Variants in PANK4 observed in about 807,000 individuals in gnomAD.
PANK4 encodes pantothenate kinase 4 (inactive).
PANK4 carries 40 observed loss-of-function variants against 87.9 expected under a neutral mutation model. That is an observed-to-expected ratio of 0.46 (90% CI 0.35 to 0.59). The LOEUF is 0.59. PANK4 is among the 20% of genes least tolerant of loss of function. The pLI is 0.00. For synonymous variants in PANK4, 524 were observed against 467.4 expected (o/e 1.12, Z -1.56); for missense variants, 926 against 1,072.3 (o/e 0.86, Z 1.90).
intron 2 of PANK4, 34 bp from the exon 3 acceptor site, chr1:2,521,349 T>C (rs751848950): frequency 2.6e-6 from 4 of 1,531,312 alleles, no homozygotes; most frequent in African/African-American, 2.7e-5. Context: ...CGCATGTGTG[T>C]GGGACACCGC....
chr1:2,519,390 G>A lies in PANK4; in HGVS notation c.854-66C>T, dbSNP rs1277988460. The A allele has an allele frequency of 1.1e-6, 1 of 919,322 alleles. No individual in the cohort carries two copies. The highest frequency in any genetic ancestry group is 1.8e-5 in the South Asian group (1 of 57,040). 56.9% of individuals were successfully genotyped at this position (919,322 alleles called of 1,614,324 possible). A position where few individuals can be genotyped will look rare whatever the true frequency, so the allele number is the denominator to read the frequency against. Reference sequence around the variant, plus strand: ...CAAGTGCACGACATGAGAGCGAGCAGGAGGGGAGGGGGAGAGAGAGCTGAG... The same window carrying A: ...CAAGTGCACGACATGAGAGCGAGCAAGAGGGGAGGGGGAGAGAGAGCTGAG... On this transcript the variant is annotated intron_variant, in intron 6 of 18. Coordinates refer to ENST00000378466, the MANE Select transcript of PANK4 (RefSeq NM_018216.4). The surrounding 1 kb of genome is among the most constrained non-coding windows in gnomAD (Gnocchi z 8.3).
chr1:2,511,483 T>C (rs1643660713), intron 14 of PANK4, 96 bp from the exon 15 acceptor site: 2 of 1,149,608 alleles, frequency 1.7e-6, no homozygotes, highest in Non-Finnish European at 2.6e-6. Context: ...GGAAGCAAGT[T>C]CTCCCCGCCC....
chr1:2,511,522 A>C (rs1415302223), intron 14 of PANK4, 106 bp downstream of exon 14: 1 of 1,071,352 alleles, frequency 9.3e-7, no homozygotes, highest in African/African-American at 1.6e-5. Flanking sequence ...AGCCTTGAGC[A>C]GGGGAGGTGC....
At position 2,508,755 on chromosome 1, in the gene PANK4, A is replaced by G. The variant is rs1643610080; in HGVS notation, c.*92T>C. On this transcript the variant is annotated 3_prime_UTR_variant, in exon 19 of 19. Coordinates refer to ENST00000378466, the MANE Select transcript of PANK4 (RefSeq NM_018216.4). The surrounding 1 kb of genome is among the most constrained non-coding windows in gnomAD (Gnocchi z 5.1). ...ATGTGCCGCGTCACAGCAGTACCAT[A>G]TAAATACGTTGATTTGAACGCAGTT... 1.3e-6 allele frequency: 1 copy of G among 786,846 alleles called. No individual in the cohort carries two copies. Among genetic ancestry groups the G allele is most frequent in the Admixed American group, 2.1e-5 (1 of 47,508 alleles). The allele number at this position is 786,846 out of a possible 1,614,324, so 48.7% of individuals were successfully genotyped here. A position where few individuals can be genotyped will look rare whatever the true frequency, so the allele number is the denominator to read the frequency against.
At position 2,514,485 on chromosome 1, in the gene PANK4, G is replaced by A. The variant is rs749873799; in HGVS notation, c.1375-19C>T. The A allele has an allele frequency of 2.5e-6, 4 of 1,584,246 alleles. No individual in the cohort carries two copies. The highest frequency in any genetic ancestry group is 1.5e-5 in the African/African-American group (1 of 68,850). On this transcript the variant is annotated intron_variant, in intron 10 of 18. Coordinates refer to ENST00000378466, the MANE Select transcript of PANK4 (RefSeq NM_018216.4). ...TCACTACCTGCCAGCGACAGAAGGA[G>A]GGGGTTAGTCAAGCGCTGGCCCTGC...
At chr1:2,514,197 G>A (rs761438141) in intron 11 of PANK4, 108 bp from the exon 12 acceptor site, 10 of 1,155,598 alleles carry the variant, frequency 8.7e-6, no homozygotes, top group South Asian at 1.2e-5. Context: ...CAGTGCAAAC[G>A]CTGCTTGAGG....
At chr1:2,526,319 G>A (rs1358424094) in intron 1 of PANK4, 145 bp downstream of exon 1, 1 of 291,140 alleles carries the variant, frequency 3.4e-6, no homozygotes, top group Non-Finnish European at 5.1e-6. Context: ...GGCTGTGCGC[G>A]GGCCCGCGGA....
intron 9 of PANK4, chr1:2,516,065 C>T (rs1481879974): frequency 2.8e-6 from 1 of 362,732 alleles, no homozygotes. Flanking sequence ...CCCCCATCAC[C>T]ACCTCCCTGC....
chr1:2,521,837 C>G (rs1164139208), intron 1 of PANK4, 37 bp from the exon 2 acceptor site: 1 of 1,550,814 alleles, frequency 6.4e-7, no homozygotes. Context: ...GATTCAGGAC[C>G]AGGACACAGC....
In PANK4 at chr1:2,508,870, T is replaced by C; in HGVS notation, c.2299A>G (p.Lys767Glu). Residue 767 changes from lysine (K) to glutamate (E), a missense_variant, in exon 19 of 19, where the codon AAG becomes GAG. Coordinates refer to ENST00000378466, the MANE Select transcript of PANK4 (RefSeq NM_018216.4). This position sits in a 1 kb window ranked among gnomAD's most constrained non-coding sequence, Gnocchi z 5.1. ...CCTCACTCGGCTGGGACCTCGTACT[T>C]GAAGATGACGCTGAAGAGCCGGCCG... ...LGGRLFSVIF[K>E]YEVPAE 1 of 1,602,354 alleles carries C rather than the reference T, an allele frequency of 6.2e-7. No individual in the cohort carries two copies. Among genetic ancestry groups the C allele is most frequent in the Non-Finnish European group, 8.5e-7 (1 of 1,173,518 alleles).
In PANK4 at chr1:2,510,198, GC is replaced by G; in HGVS notation, c.1939-42del. 1 of 1,289,866 alleles carries G rather than the reference GC, an allele frequency of 7.8e-7. No homozygotes were observed. The highest frequency in any genetic ancestry group is 1.1e-6 in the Non-Finnish European group (1 of 905,886). The allele number at this position is 1,289,866 out of a possible 1,614,324, so 79.9% of individuals were successfully genotyped here. ...CCAGGCTCTTTAGGAACCTGTGCTG[GC>G]CCAGCATGGAGCCTGCGTGCACCCC... On this transcript the variant is annotated intron_variant, in intron 16 of 18. Transcript: ENST00000378466. The surrounding 1 kb of genome is among the most constrained non-coding windows in gnomAD (Gnocchi z 4.9).
Position 2,510,830 on chromosome 1 carries a change from C to T in PANK4, c.1834-48G>A, listed in dbSNP as rs1269041524. 8.3e-6 allele frequency: 9 copies of T among 1,086,360 alleles called. No individual in the cohort carries two copies. The highest frequency in any genetic ancestry group is 2.4e-5 in the East Asian group (1 of 42,542). 67.3% of individuals were successfully genotyped at this position (1,086,360 alleles called of 1,614,324 possible). On this transcript the variant is annotated intron_variant, in intron 15 of 18. Transcript: ENST00000378466. This position sits in a 1 kb window ranked among gnomAD's most constrained non-coding sequence, Gnocchi z 4.9. ...TCAGTTGGGAACAGGCGCATCCAAGCGAGTCAGTCCGCACCCCTGCTGCCC... is the reference window on the plus strand; with the variant it reads ...TCAGTTGGGAACAGGCGCATCCAAGTGAGTCAGTCCGCACCCCTGCTGCCC...
chr1:2,514,134 C>T (rs1042606231), intron 11 of PANK4, 45 bp from the exon 12 acceptor site: 3 of 1,486,890 alleles, frequency 2.0e-6, no homozygotes, highest in African/African-American at 2.8e-5. Flanking sequence ...GCAGGCCGAA[C>T]ACCCGCCCGT....
intron 13 of PANK4, chr1:2,512,683 T>C: frequency 1.7e-6 from 1 of 583,616 alleles, no homozygotes; most frequent in Non-Finnish European, 3.0e-6. Context: ...CCTCAGAACC[T>C]GAGGGGACAG....
intron 1 of PANK4, among the ~76,000 whole-genome samples, chr1:2,523,136 G>A (rs1557449861): frequency 6.6e-6 from 1 of 152,178 alleles, no homozygotes; most frequent in East Asian, 1.9e-4. Context: ...AAGCACTCAG[G>A]TCAGTAAAAA....
chr1:2,514,110 G>C (rs781429929), intron 11 of PANK4, 21 bp from the exon 12 acceptor site: 3 of 1,596,062 alleles, frequency 1.9e-6, no homozygotes, highest in South Asian at 1.1e-5. Context: ...ACACGGCAGA[G>C]GGCGCTGAGC....
chr1:2,520,828 G>C lies in PANK4; in HGVS notation c.501C>G (p.Phe167Leu). 1.2e-6 allele frequency: 2 copies of C among 1,606,644 alleles called. No homozygotes were observed. Among genetic ancestry groups the C allele is most frequent in the Non-Finnish European group, 1.7e-6 (2 of 1,176,702 alleles). The change falls in exon 4 of 19, where the codon TTC becomes TTG. Residue 167 changes from phenylalanine (F) to leucine (L), a missense_variant. Coordinates refer to ENST00000378466, the MANE Select transcript of PANK4 (RefSeq NM_018216.4). This position sits in a 1 kb window ranked among gnomAD's most constrained non-coding sequence, Gnocchi z 6.2. ...FVLKNIPHEA[F>L]VYQKDSDPEF... ...CAGGGTCGGAATCCTTCTGGTACACGAAGGCCTCATGGGGGATGTTCTTGA... is the reference window on the plus strand; with the variant it reads ...CAGGGTCGGAATCCTTCTGGTACACCAAGGCCTCATGGGGGATGTTCTTGA...
chr1:2,512,574 G>A lies in PANK4; in HGVS notation c.1727+314C>T, dbSNP rs544869497. ...AATGTTTAATTCCTACCACACATAG[G>A]AAACATGAATTTGGATTCTGACAAT... On this transcript the variant is annotated intron_variant, in intron 13 of 18. Transcript: ENST00000378466. 3.0e-5 allele frequency: 12 copies of A among 402,788 alleles called. No homozygotes were observed. The South Asian group carries it at 4.4e-4, about 15-fold the overall frequency. 25.0% of individuals were successfully genotyped at this position (402,788 alleles called of 1,614,324 possible).
At chr1:2,514,958 C>A (rs1299542660) in intron 10 of PANK4, among the ~76,000 whole-genome samples, 1 of 152,110 alleles carries the variant, frequency 6.6e-6, no homozygotes. Context: ...GCACTCAGAG[C>A]TCACTCCGGG....
Sources: allele counts gnomAD v4.1 joint callset (sites outside exome capture counted in the v4.1 genomes callset), GRCh38; gene constraint gnomAD v4.1.1; non-coding constraint Gnocchi (gnomAD v3.1); transcripts MANE v1.5; gene names NCBI Gene and HGNC (gene_info 2026-07-23, HGNC 2026-07-21).